The following CLIC6 variants were observed in gnomAD, a reference collection of about 807,000 sequenced individuals.
CLIC6 encodes CLIC family member 6.
A neutral mutation model predicts 49.2 loss-of-function variants in CLIC6; 39 were observed. The observed-to-expected ratio is 0.79, with a 90% CI of 0.61 to 1.04. The LOEUF is 1.04. CLIC6 is among the 50% of genes least tolerant of loss of function. The probability of loss-of-function intolerance (pLI) is 0.00; values close to 1 mark genes in which losing one functional copy is unlikely to be tolerated. For synonymous variants in CLIC6, 446 were observed against 433.4 expected, an observed-to-expected ratio of 1.03 and a Z score of -0.36; for missense variants, 988 against 993.1, an observed-to-expected ratio of 0.99 and a Z score of 0.07.
At chr21:34,702,314 A>G (rs1269604700) in intron 1 of CLIC6, among the ~76,000 whole-genome samples, 1 of 152,080 alleles carries the variant, frequency 6.6e-6, no homozygotes, top group Non-Finnish European at 1.5e-5. Context: ...GGATGGGACA[A>G]TCTCTGGGTC....
intron 1 of CLIC6, among the ~76,000 whole-genome samples, chr21:34,699,069 A>G (rs1175984219): frequency 2.0e-5 from 3 of 152,174 alleles, no homozygotes; most frequent in Non-Finnish European, 2.9e-5. Flanking sequence ...GTCTATTTGC[A>G]TCTTTGGCCA....
chr21:34,689,725 G>A (rs1989954328), intron 1 of CLIC6, among the ~76,000 whole-genome samples: 1 of 152,038 alleles, frequency 6.6e-6, no homozygotes, highest in Non-Finnish European at 1.5e-5. Flanking sequence ...CTGAGACGCT[G>A]TGCAATGTCA....
chr21:34,711,946 C>T (rs2056059369), intron 5 of CLIC6, among the ~76,000 whole-genome samples: 1 of 152,166 alleles, frequency 6.6e-6, no homozygotes, highest in Admixed American at 6.5e-5. Flanking sequence ...TTGGTAAATG[C>T]TTTTTAGTCC....
At chr21:34,708,091 T>C (rs777385571) in intron 3 of CLIC6, 22 bp downstream of exon 3, 2 of 1,613,894 alleles carry the variant, frequency 1.2e-6, no homozygotes, top group Non-Finnish European at 1.7e-6. Flanking sequence ...AAAACCAGTG[T>C]TCATAACTTG....
intron 1 of CLIC6, among the ~76,000 whole-genome samples, chr21:34,697,098 G>T (rs1015622319): frequency 2.0e-5 from 3 of 152,110 alleles, no homozygotes; most frequent in Non-Finnish European, 4.4e-5. Flanking sequence ...TGCAGCCTTT[G>T]TTGAGAGTGA....
intron 5 of CLIC6, 54 bp downstream of exon 5, chr21:34,709,592 A>C: frequency 1.3e-6 from 2 of 1,520,524 alleles, no homozygotes; most frequent in South Asian, 2.3e-5. Context: ...GCTTTGTTTT[A>C]TTTTGTTTTT....
At chr21:34,687,913 C>A (rs929345661) in intron 1 of CLIC6, among the ~76,000 whole-genome samples, 1 of 151,988 alleles carries the variant, frequency 6.6e-6, no homozygotes, top group African/African-American at 2.4e-5. Context: ...CTTTTATGGC[C>A]TGGAATGAGG....
At position 34,716,609 on chromosome 21, in the gene CLIC6, T is replaced by C; in HGVS notation, c.*127T>C. On this transcript the variant is annotated 3_prime_UTR_variant, in exon 6 of 6. Transcript: ENST00000349499. ...TAAAAAACTGGTCTCTGAGAGTTTTTTAAATCATTGAGAGCCTGTTTTTCT... is the reference window on the plus strand; with the variant it reads ...TAAAAAACTGGTCTCTGAGAGTTTTCTAAATCATTGAGAGCCTGTTTTTCT... 1.5e-6 allele frequency: 1 copy of C among 650,714 alleles called. No homozygotes were observed. Among genetic ancestry groups the C allele is most frequent in the Non-Finnish European group, 2.4e-6 (1 of 408,956 alleles). 40.3% of individuals were successfully genotyped at this position (650,714 alleles called of 1,614,324 possible). A position where few individuals can be genotyped will look rare whatever the true frequency, so the allele number is the denominator to read the frequency against.
chr21:34,687,964 C>A lies in CLIC6; in HGVS notation c.1374+17202C>A, dbSNP rs566219654. On this transcript the variant is annotated intron_variant, in intron 1 of 5. Transcript: ENST00000349499. ...TTTACTGATAATTACAGACAACGAG[C>A]ATTGGGATGGAGCTGTCCGCTCCAC... Among the ~76,000 whole-genome samples the A allele has an allele frequency of 9.9e-5, 15 of 152,244 alleles. No homozygotes were observed. The East Asian group carries it at 1.7e-3, about 18-fold the overall frequency.
At chr21:34,699,414 GC>G (rs1990146255) in intron 1 of CLIC6, among the ~76,000 whole-genome samples, 3 of 115,204 alleles carry the variant, frequency 2.6e-5, no homozygotes, top group Admixed American at 2.5e-4. Context: ...ACCATACCTG[GC>G]TTTTTTTTTT....
intron 5 of CLIC6, among the ~76,000 whole-genome samples, chr21:34,714,584 A>G (rs2056075410): frequency 6.6e-6 from 1 of 151,746 alleles, no homozygotes; most frequent in Non-Finnish European, 1.5e-5. Context: ...GCTACTCGGG[A>G]GGCTGAGGGA....
chr21:34,707,221 G>A, intron 1 of CLIC6, 59 bp from the exon 2 acceptor site: 1 of 1,227,568 alleles, frequency 8.1e-7, no homozygotes, highest in South Asian at 1.2e-5. Context: ...GCATGTTGTG[G>A]TGTTGGCACT....
intron 1 of CLIC6, among the ~76,000 whole-genome samples, chr21:34,686,528 G>A (rs1989882270): frequency 6.6e-6 from 1 of 152,188 alleles, no homozygotes; most frequent in African/African-American, 2.4e-5. Flanking sequence ...TAAGAAGTGA[G>A]GTTTGATTCT....
chr21:34,707,905 CACGGTG>C, intron 2 of CLIC6, 33 bp from the exon 3 acceptor site: 2 of 1,610,754 alleles, frequency 1.2e-6, no homozygotes, highest in Middle Eastern at 1.7e-4. Context: ...TCCAGATTCT[CACGGTG>C]GCCCATAAAC....
At chr21:34,690,142 G>A (rs1199291629) in intron 1 of CLIC6, among the ~76,000 whole-genome samples, 2 of 152,180 alleles carry the variant, frequency 1.3e-5, no homozygotes, top group African/African-American at 4.8e-5. Context: ...CCTCTTGATG[G>A]GTGAGGGTGG....
At chr21:34,678,709 G>A (rs960592422) in intron 1 of CLIC6, among the ~76,000 whole-genome samples, 2 of 152,072 alleles carry the variant, frequency 1.3e-5, no homozygotes, top group African/African-American at 4.8e-5. Flanking sequence ...TAGGTTAAAT[G>A]TATTTATACA....
At position 34,709,352 on chromosome 21, in the gene CLIC6, T is replaced by G; in HGVS notation, c.1718-5T>G. Reference sequence around the variant, plus strand: ...TCTTTGTGATTTCTTGCCCTTCTGTTTTAGTTCATGAAAAGAACCTGCTGA... The same window carrying G: ...TCTTTGTGATTTCTTGCCCTTCTGTGTTAGTTCATGAAAAGAACCTGCTGA... On this transcript the variant is annotated splice_region_variant and splice_polypyrimidine_tract_variant and intron_variant, in intron 4 of 5. Coordinates refer to ENST00000349499, the MANE Select transcript of CLIC6 (RefSeq NM_053277.3). 1 of 1,611,734 alleles carries G rather than the reference T, an allele frequency of 6.2e-7. No individual in the cohort carries two copies. The highest frequency in any genetic ancestry group is 8.5e-7 in the Non-Finnish European group (1 of 1,178,922).
intron 3 of CLIC6, among the ~76,000 whole-genome samples, chr21:34,708,488 G>A (rs1183623009): frequency 2.0e-5 from 3 of 152,184 alleles, no homozygotes; most frequent in African/African-American, 2.4e-5. Context: ...ACTGGCCACT[G>A]CCAGGAAACA....
chr21:34,689,372 G>C (rs776142120), intron 1 of CLIC6, among the ~76,000 whole-genome samples: 1 of 152,182 alleles, frequency 6.6e-6, no homozygotes, highest in African/African-American at 2.4e-5. Context: ...GAAGGTACTT[G>C]GATGAAGAAT....
Sources: gnomAD v4.1 joint callset for allele counts (sites outside exome capture counted in the v4.1 genomes callset) on GRCh38, gnomAD v4.1.1 for gene constraint, MANE v1.5 for transcripts, NCBI Gene and HGNC (gene_info 2026-07-23, HGNC 2026-07-21) for gene names.